Variants in HDAC1 observed in about 807,000 individuals in gnomAD.
HDAC1 encodes histone deacetylase 1, also known as protein deacetylase HDAC1.
HDAC1 carries 18 observed loss-of-function variants against 65.5 expected under a neutral mutation model. The observed-to-expected ratio is 0.27, with a 90% CI of 0.19 to 0.41. The LOEUF (loss-of-function observed/expected upper bound fraction) is 0.41, where lower values mean the gene tolerates loss of function less well. Among genes scored for constraint, HDAC1 ranks in the 10% least tolerant of loss-of-function variants. HDAC1 has a pLI of 1.00. For synonymous variants in HDAC1, 211 were observed against 227.9 expected, an observed-to-expected ratio of 0.93 and a Z score of 0.67; for missense variants, 373 against 625.2, an observed-to-expected ratio of 0.60 and a Z score of 4.30.
At chr1:32,315,039 A>G (rs1210361832) in intron 2 of HDAC1, among the ~76,000 whole-genome samples, 2 of 152,156 alleles carry the variant, frequency 1.3e-5, no homozygotes, top group Non-Finnish European at 2.9e-5. Context: ...CCTGTGGATG[A>G]CATTAAGTGA....
In HDAC1 at chr1:32,332,742, G is replaced by A; in HGVS notation, c.1414G>A (p.Ala472Thr). The A allele has an allele frequency of 6.4e-7, 1 of 1,554,900 alleles. No individual in the cohort carries two copies. The highest frequency in any genetic ancestry group is 1.2e-5 in the South Asian group (1 of 84,226). The change falls in exon 13 of 14, where the codon GCC (alanine) becomes ACC (threonine). Residue 472 changes from alanine to threonine, a missense_variant. Physicochemically the swap from Ala to Thr is moderately conservative, Grantham distance 58 (BLOSUM62 0). Coordinates refer to ENST00000373548, the MANE Select transcript of HDAC1 (RefSeq NM_004964.3). Reference protein sequence around the residue: ...EEKTKEEKPEAKGVKEEVKLA With the variant: ...EEKTKEEKPETKGVKEEVKLA Reference sequence around the variant, plus strand: ...GAAAACCAAGGAGGAGAAGCCAGAAGCCAAAGGGTGAGGAAGGAGCTGCCT... The same window carrying A: ...GAAAACCAAGGAGGAGAAGCCAGAAACCAAAGGGTGAGGAAGGAGCTGCCT...
At chr1:32,301,707 T>C (rs1251281891) in intron 1 of HDAC1, among the ~76,000 whole-genome samples, 2 of 152,030 alleles carry the variant, frequency 1.3e-5, no homozygotes, top group Non-Finnish European at 2.9e-5. Context: ...GAGGCGAAGG[T>C]TGCAGTGAGC....
rs563389821 is a variant in HDAC1, at chr1:32,316,903, C to T, written c.280+121C>T. 46 of 698,088 alleles carry T rather than the reference C, an allele frequency of 6.6e-5. No homozygotes were observed. The East Asian group carries it at 1.0e-3, about 15-fold the overall frequency. 43.2% of individuals were successfully genotyped at this position (698,088 alleles called of 1,614,324 possible). On this transcript the variant is annotated intron_variant, in intron 3 of 13. Coordinates refer to ENST00000373548, the MANE Select transcript of HDAC1 (RefSeq NM_004964.3). ...AGTGGACACCTGATTTCCCCTACCT[C>T]CTAAAGGTGCCAGAGTGCTTTTTCC... is the stretch of plus-strand genomic sequence containing the variant.
rs1048312250 is a variant in HDAC1, at chr1:32,327,936, C to T, written c.636+259C>T. Among the ~76,000 whole-genome samples the T allele has an allele frequency of 2.0e-5, 3 of 152,204 alleles. No homozygotes were observed. Among genetic ancestry groups the T allele is most frequent in the East Asian group, 1.9e-4 (1 of 5,202 alleles). ...TCCTGGCCACAGCTGGGTTGCATCA[C>T]ACTATTCTTATGTCTCATAAGCCTT... On this transcript the variant is annotated intron_variant, in intron 6 of 13. Transcript: ENST00000373548. The surrounding 1 kb of genome is among the most constrained non-coding windows in gnomAD (Gnocchi z 6.0).
At chr1:32,306,792 C>T (rs1047150983) in intron 2 of HDAC1, among the ~76,000 whole-genome samples, 1 of 151,950 alleles carries the variant, frequency 6.6e-6, no homozygotes, top group Admixed American at 6.6e-5. Context: ...CAGTAGATTC[C>T]TGAAACCATG....
chr1:32,326,798 G>T, intron 4 of HDAC1, 141 bp from the exon 5 acceptor site: 2 of 753,576 alleles, frequency 2.7e-6, no homozygotes, highest in East Asian at 2.6e-5. Flanking sequence ...AGTAGGGTGG[G>T]AGGGAGGGGA....
At chr1:32,299,192 T>C (rs60375314) in intron 1 of HDAC1, among the ~76,000 whole-genome samples, 9,806 of 152,096 alleles carry the variant, frequency 0.064, 1,039 homozygotes, top group African/African-American at 0.22. Context: ...GTGGACAGTG[T>C]CCCTCATGCT....
intron 3 of HDAC1, 119 bp downstream of exon 3, chr1:32,316,901 C>G: frequency 1.4e-6 from 1 of 703,860 alleles, no homozygotes; most frequent in Admixed American, 2.2e-5. Context: ...TTTCCCCTAC[C>G]TCCTAAAGGT....
intron 3 of HDAC1, among the ~76,000 whole-genome samples, chr1:32,317,637 A>AT (rs1641083651): frequency 6.6e-6 from 1 of 152,226 alleles, no homozygotes; most frequent in South Asian, 2.1e-4. Flanking sequence ...GTACAGTGGT[A>AT]TTGATGGCAG....
At chr1:32,294,310 G>T (rs1043985021) in intron 1 of HDAC1, among the ~76,000 whole-genome samples, 70 of 151,706 alleles carry the variant, frequency 4.6e-4, no homozygotes, top group Non-Finnish European at 1.9e-4. Flanking sequence ...CACCATGCCT[G>T]GCTAGTTTTT....
At chr1:32,317,088 T>TA (rs1641075486) in intron 3 of HDAC1, among the ~76,000 whole-genome samples, 1 of 152,342 alleles carries the variant, frequency 6.6e-6, no homozygotes, top group East Asian at 1.9e-4. Flanking sequence ...AATTTAACTC[T>TA]AACTCTCAGC....
intron 3 of HDAC1, among the ~76,000 whole-genome samples, chr1:32,319,619 G>A (rs1187781843): frequency 6.6e-6 from 1 of 152,052 alleles, no homozygotes; most frequent in African/African-American, 2.4e-5. Flanking sequence ...CCTAGGCGCT[G>A]GACATGGTAG....
chr1:32,328,185 T>G (rs1196684752), intron 6 of HDAC1, among the ~76,000 whole-genome samples: 3 of 152,252 alleles, frequency 2.0e-5, no homozygotes, highest in Non-Finnish European at 2.9e-5. Flanking sequence ...TTCGTTGAAC[T>G]GTTCCATCTG....
intron 3 of HDAC1, among the ~76,000 whole-genome samples, chr1:32,317,323 A>T (rs551289959): frequency 2.6e-5 from 4 of 152,310 alleles, no homozygotes; most frequent in Non-Finnish European, 5.9e-5. Flanking sequence ...CTTGGAAGCC[A>T]CGCTTAGTTT....
chr1:32,320,034 C>T (rs1038217698), intron 3 of HDAC1, among the ~76,000 whole-genome samples: 4 of 151,812 alleles, frequency 2.6e-5, no homozygotes, highest in Admixed American at 2.0e-4. Context: ...CTGGCTAACA[C>T]GGTGAAACCC....
chr1:32,317,499 T>G (rs563018381), intron 3 of HDAC1, among the ~76,000 whole-genome samples: 1 of 152,218 alleles, frequency 6.6e-6, no homozygotes, highest in Non-Finnish European at 1.5e-5. Context: ...AAGTTTTGAT[T>G]AACTTATGAC....
In HDAC1 at chr1:32,331,637, C is replaced by T. The variant is rs2148073114; in HGVS notation, c.1089-39C>T. ...TGAACATTCCTGACTTTGGTTTGTC[C>T]CTGACCAGAGCCCTGCTACTCTCTC... On this transcript the variant is annotated intron_variant, in intron 10 of 13. Transcript: ENST00000373548. This position sits in a 1 kb window ranked among gnomAD's most constrained non-coding sequence, Gnocchi z 4.2. The T allele has an allele frequency of 1.2e-6, 2 of 1,613,524 alleles. No homozygotes were observed. The highest frequency in any genetic ancestry group is 8.5e-7 in the Non-Finnish European group (1 of 1,179,626).
At chr1:32,324,444 T>C (rs1286590114) in intron 3 of HDAC1, 35 bp from the exon 4 acceptor site, 3 of 1,421,698 alleles carry the variant, frequency 2.1e-6, no homozygotes, top group Non-Finnish European at 3.0e-6. Context: ...CTAAAGGAAA[T>C]TGTGGAAACT....
intron 1 of HDAC1, among the ~76,000 whole-genome samples, chr1:32,298,285 T>C (rs1038690081): frequency 6.6e-6 from 1 of 150,530 alleles, no homozygotes; most frequent in African/African-American, 2.5e-5. Flanking sequence ...ACGGGGTTTC[T>C]CCATGTTGGT....
Sources: gnomAD v4.1 joint callset for allele counts (sites outside exome capture counted in the v4.1 genomes callset) on GRCh38, gnomAD v4.1.1 for gene constraint, Gnocchi (gnomAD v3.1) non-coding constraint, MANE v1.5 for transcripts, NCBI Gene and HGNC (gene_info 2026-07-23, HGNC 2026-07-21) for gene names.